The following NPIPA1 variants were observed in gnomAD, a reference collection of about 807,000 sequenced individuals.
NPIPA1 encodes nuclear pore complex interacting protein family member A1.
For synonymous variants in NPIPA1, 7 were observed against 88.0 expected, an observed-to-expected ratio of 0.08 and a Z score of 5.15; for missense variants, 22 against 232.2, an observed-to-expected ratio of 0.09 and a Z score of 5.88.
chr16:14,944,999 C>A (rs1965847929), intron 2 of NPIPA1, among the ~76,000 whole-genome samples: 1 of 146,104 alleles, frequency 6.8e-6, no homozygotes, highest in Non-Finnish European at 1.5e-5. Context: ...ACAACCTTTT[C>A]CTGCTGGGTT....
intron 4 of NPIPA1, among the ~76,000 whole-genome samples, chr16:14,946,808 C>T (rs1267168356): frequency 1.4e-4 from 21 of 150,708 alleles, no homozygotes; most frequent in Non-Finnish European, 2.4e-4. Context: ...GATTCTTATC[C>T]CTCAGCCTCT....
intron 1 of NPIPA1, among the ~76,000 whole-genome samples, chr16:14,941,360 A>G (rs1965748839): frequency 7.6e-6 from 1 of 132,126 alleles, no homozygotes; most frequent in South Asian, 2.7e-4. Context: ...GCTTGAGCCC[A>G]GGAGCTGGAG....
intron 1 of NPIPA1, chr16:14,938,069 C>CCCCCTT (rs1965660537): frequency 2.9e-6 from 1 of 341,724 alleles, no homozygotes; most frequent in Non-Finnish European, 5.2e-6. Context: ...CCCTTACTTC[C>CCCCCTT]CCCCTTCCCC....
At chr16:14,945,061 AC>A (rs1455802230) in intron 2 of NPIPA1, among the ~76,000 whole-genome samples, 3 of 147,622 alleles carry the variant, frequency 2.0e-5, no homozygotes, top group Non-Finnish European at 4.5e-5. Context: ...ACAGGCATGC[AC>A]CACCATGCCT....
chr16:14,947,742 G>A (rs1220990377), intron 4 of NPIPA1, among the ~76,000 whole-genome samples: 1 of 152,244 alleles, frequency 6.6e-6, no homozygotes. Context: ...TCTGAGATCA[G>A]AAGCTTCAGA....
chr16:14,945,318 C>T (rs564406063), intron 2 of NPIPA1, among the ~76,000 whole-genome samples: 1,814 of 145,486 alleles, frequency 0.012, no homozygotes, highest in Non-Finnish European at 0.022. Flanking sequence ...GGTGTGATCT[C>T]GGCTCACTGC....
chr16:14,942,573 C>T (rs375251246), intron 2 of NPIPA1, among the ~76,000 whole-genome samples: 6 of 152,228 alleles, frequency 3.9e-5, no homozygotes, highest in African/African-American at 9.6e-5. Flanking sequence ...GTCATAGGGA[C>T]GAGGTGACAA....
chr16:14,948,115 G>C (rs1470249124), intron 4 of NPIPA1, among the ~76,000 whole-genome samples: 5 of 152,220 alleles, frequency 3.3e-5, no homozygotes, highest in East Asian at 1.9e-4. Flanking sequence ...CTTAGGATCA[G>C]GACCATGAAT....
intron 4 of NPIPA1, among the ~76,000 whole-genome samples, chr16:14,947,717 C>T (rs1177738202): frequency 6.6e-6 from 1 of 152,216 alleles, no homozygotes; most frequent in African/African-American, 2.4e-5. Flanking sequence ...TGTTTGGTGT[C>T]CCCCATTGTT....
Position 14,945,667 on chromosome 16 carries a change from CA to C in NPIPA1, c.287del (p.Gln96ArgfsTer29). 1 of 1,159,182 alleles carries C rather than the reference CA, an allele frequency of 8.6e-7. No homozygotes were observed. The highest frequency in any genetic ancestry group is 1.5e-5 in the South Asian group (1 of 66,176). The allele number at this position is 1,159,182 out of a possible 1,614,324, so 71.8% of individuals were successfully genotyped here. ...QRARRSNRRR[Q>X]EGIKIVLEDI... is the part of the protein sequence containing the mutation. ...AGCCAGGAGGTCCAACCGCCGTAGA[CA>C]GGAAGGTATGGCTCTGTTGGAGTCC... On this transcript the variant is annotated frameshift_variant, in exon 3 of 8. Transcript: ENST00000328085. LOFTEE classifies it high-confidence loss of function.
In NPIPA1 at chr16:14,943,210, A is replaced by G. The variant is rs1489486204; in HGVS notation, c.192+1270A>G. On this transcript the variant is annotated intron_variant, in intron 2 of 7. Transcript: ENST00000328085. ...CTCCCTCTGTTGCCCAGGCTGGAGT[A>G]TAATGGTGTGATCTCGGCTCACTGC... 1.2e-4 allele frequency among the ~76,000 whole-genome samples: 18 copies of G among 151,760 alleles called. No homozygotes were observed. The South Asian group carries it at 1.2e-3, about 11-fold the overall frequency.
chr16:14,951,345 G>A (rs1965995346), intron 7 of NPIPA1: 1 of 1,512 alleles, frequency 6.6e-4, no homozygotes, highest in African/African-American at 1.9e-3. Flanking sequence ...CTTCCCTGGG[G>A]CAGGACCCCA....
intron 2 of NPIPA1, among the ~76,000 whole-genome samples, chr16:14,943,144 C>CTTT (rs796144995): frequency 4.5e-5 from 6 of 133,012 alleles, no homozygotes; most frequent in African/African-American, 1.4e-4. Flanking sequence ...TTGGAGGAAG[C>CTTT]TTTTTTTTTT....
chr16:14,938,014 C>T (rs1213095031), intron 1 of NPIPA1, among the ~76,000 whole-genome samples: 1 of 143,702 alleles, frequency 7.0e-6, no homozygotes, highest in Non-Finnish European at 1.5e-5. Flanking sequence ...CTTTCTTCTT[C>T]TCCTCCTCCT....
chr16:14,944,813 C>G (rs1274697568), intron 2 of NPIPA1, among the ~76,000 whole-genome samples: 1 of 150,524 alleles, frequency 6.6e-6, no homozygotes, highest in Non-Finnish European at 1.5e-5. Context: ...ACCATGTTGC[C>G]CAGGATGGTC....
At chr16:14,938,050 C>T (rs1965659383) in intron 1 of NPIPA1, among the ~76,000 whole-genome samples, 2 of 133,656 alleles carry the variant, frequency 1.5e-5, no homozygotes, top group Admixed American at 8.1e-5. Flanking sequence ...CCTTCTCCTC[C>T]TTTCCCTTCC....
chr16:14,943,751 T>C (rs1965809522), intron 2 of NPIPA1, among the ~76,000 whole-genome samples: 1 of 152,058 alleles, frequency 6.6e-6, no homozygotes, highest in Admixed American at 6.6e-5. Context: ...TCTTTTCATC[T>C]TTTTAGATTA....
intron 1 of NPIPA1, chr16:14,938,067 TC>T (rs945247525): frequency 3.2e-5 from 7 of 220,434 alleles, no homozygotes; most frequent in Admixed American, 1.6e-4. Flanking sequence ...TTCCCTTACT[TC>T]CCCCCTTCCC....
intron 4 of NPIPA1, among the ~76,000 whole-genome samples, chr16:14,947,267 T>C (rs1368886211): frequency 6.6e-6 from 1 of 152,246 alleles, no homozygotes; most frequent in East Asian, 1.9e-4. Flanking sequence ...AATTGAGGCC[T>C]AGTAGCATGT....
Sources: gnomAD v4.1 joint callset for allele counts (sites outside exome capture counted in the v4.1 genomes callset) on GRCh38, gnomAD v4.1.1 for gene constraint, MANE v1.5 for transcripts, NCBI Gene and HGNC (gene_info 2026-07-23, HGNC 2026-07-21) for gene names.